The following PPM1E variants were observed in gnomAD, a reference collection of about 807,000 sequenced individuals.
PPM1E encodes protein phosphatase 1E.
PPM1E carries 20 observed loss-of-function variants against 65.9 expected under a neutral mutation model. That is an observed-to-expected ratio of 0.30 (90% CI 0.21 to 0.44). The LOEUF (loss-of-function observed/expected upper bound fraction) is 0.44, where lower values mean the gene tolerates loss of function less well. PPM1E is among the 20% of genes least tolerant of loss of function. PPM1E has a pLI of 1.00. For synonymous variants in PPM1E, 352 were observed against 374.9 expected (o/e 0.94, Z 0.70); for missense variants, 713 against 953.1 (o/e 0.75, Z 3.32).
chr17:58,804,219 T>A (rs1172374618), intron 1 of PPM1E, among the ~76,000 whole-genome samples: 2 of 152,232 alleles, frequency 1.3e-5, no homozygotes, highest in Non-Finnish European at 2.9e-5. Flanking sequence ...TGAGCCACCA[T>A]GCTTGGCCTC....
chr17:58,911,019 C>T (rs932834515), intron 1 of PPM1E, among the ~76,000 whole-genome samples: 4 of 152,070 alleles, frequency 2.6e-5, no homozygotes, highest in African/African-American at 9.7e-5. Context: ...GTGGGGAGCC[C>T]CTCTGACTGG....
At chr17:58,848,360 A>G (rs897918770) in intron 1 of PPM1E, among the ~76,000 whole-genome samples, 2 of 152,186 alleles carry the variant, frequency 1.3e-5, no homozygotes, top group African/African-American at 2.4e-5. Context: ...CCGGCTTTCA[A>G]AGGGAATTCC....
At chr17:58,925,733 T>A (rs2051816214) in intron 1 of PPM1E, among the ~76,000 whole-genome samples, 1 of 152,000 alleles carries the variant, frequency 6.6e-6, no homozygotes, top group East Asian at 1.9e-4. Flanking sequence ...GGGCTGTTTT[T>A]TTCTTGTAAA....
intron 1 of PPM1E, among the ~76,000 whole-genome samples, chr17:58,904,521 T>C (rs1480413569): frequency 6.6e-6 from 1 of 152,234 alleles, no homozygotes; most frequent in Admixed American, 6.5e-5. Flanking sequence ...ATTATCTGCT[T>C]ATCTAGAAGA....
intron 1 of PPM1E, among the ~76,000 whole-genome samples, chr17:58,779,498 T>A (rs1165601694): frequency 6.6e-6 from 1 of 152,150 alleles, no homozygotes; most frequent in African/African-American, 2.4e-5. Flanking sequence ...TCTGTTGTAT[T>A]TTATTCTTTA....
rs1294683194 is a variant in PPM1E, at chr17:58,980,460, A to T, written c.1697A>T (p.Asp566Val). 1 of 1,614,128 alleles carries T rather than the reference A, an allele frequency of 6.2e-7. No homozygotes were observed. The highest frequency in any genetic ancestry group is 1.7e-5 in the Admixed American group (1 of 60,006). The change falls in exon 7 of 7, where the codon GAC becomes GTC. Residue 566 changes from aspartate (D) to valine (V), a missense_variant. Asp to Val is a radical substitution (Grantham distance 152, BLOSUM62 -3). Transcript: ENST00000308249. The surrounding 1 kb of genome is among the most constrained non-coding windows in gnomAD (Gnocchi z 4.7). Reference sequence around the variant, plus strand: ...GGGTCCCAAATCAACGTGCTGGAAGACCCAGGCTACCTAGATCTCACACAA... The same window carrying T: ...GGGTCCCAAATCAACGTGCTGGAAGTCCCAGGCTACCTAGATCTCACACAA... Reference protein sequence around the residue: ...SPGSQINVLEDPGYLDLTQIE... With the variant: ...SPGSQINVLEVPGYLDLTQIE...
At chr17:58,891,883 T>TG (rs1180129865) in intron 1 of PPM1E, among the ~76,000 whole-genome samples, 20 of 138,598 alleles carry the variant, frequency 1.4e-4, no homozygotes, top group African/African-American at 5.5e-4. Context: ...TCACCCAGGC[T>TG]GGAGGGCAGT....
intron 1 of PPM1E, among the ~76,000 whole-genome samples, chr17:58,941,298 T>C (rs2052062607): frequency 6.6e-6 from 1 of 152,126 alleles, no homozygotes; most frequent in South Asian, 2.1e-4. Flanking sequence ...TGTTAAAGGG[T>C]AGTAGCTTTT....
intron 1 of PPM1E, among the ~76,000 whole-genome samples, chr17:58,762,762 G>A (rs868440305): frequency 2.6e-5 from 4 of 151,554 alleles, no homozygotes; most frequent in Admixed American, 6.6e-5. Flanking sequence ...GCCGGGCATA[G>A]TGGCGGGCGC....
rs1364200932 is a variant in PPM1E, at chr17:58,756,108, C to CGAACCG, written c.116_117insGGAACC (p.Pro43_Glu44dup). The CGAACCG allele has an allele frequency of 6.2e-7, 1 of 1,603,940 alleles. No homozygotes were observed. The highest frequency in any genetic ancestry group is 8.5e-7 in the Non-Finnish European group (1 of 1,174,246). On this transcript the variant is annotated inframe_insertion, in exon 1 of 7. Coordinates refer to ENST00000308249, the MANE Select transcript of PPM1E (RefSeq NM_014906.5). The stretch of plus-strand genomic sequence containing the variant: ...GCGAGCCGGAGCCGGAACCCGAACC[C>CGAACCG]GAACCCGAACCCGAACCCGAGTCCG...
chr17:58,826,851 G>A (rs528356363), intron 1 of PPM1E, among the ~76,000 whole-genome samples: 2 of 151,886 alleles, frequency 1.3e-5, no homozygotes, highest in South Asian at 2.1e-4. Context: ...GGATGGTCTC[G>A]ATCCCCTGAC....
intron 1 of PPM1E, among the ~76,000 whole-genome samples, chr17:58,880,107 G>A (rs2051177847): frequency 6.6e-6 from 1 of 152,160 alleles, no homozygotes; most frequent in Non-Finnish European, 1.5e-5. Context: ...TAAATTGTGT[G>A]GGGAGGCTTA....
rs548892292 is a variant in PPM1E at position 58,935,689 on chromosome 17, A to G, written c.465-19960A>G. Among the ~76,000 whole-genome samples, 11 of 152,306 alleles carry G rather than the reference A, an allele frequency of 7.2e-5. No individual in the cohort carries two copies. In the East Asian group the frequency reaches 2.1e-3, roughly 29 times the overall value. ...GTTTGATCTTTGGTAAATTTGTAACATCTAGATTGCTATTCACAGAAGACT... is the reference window on the plus strand; with the variant it reads ...GTTTGATCTTTGGTAAATTTGTAACGTCTAGATTGCTATTCACAGAAGACT... On this transcript the variant is annotated intron_variant, in intron 1 of 6. Coordinates refer to ENST00000308249, the MANE Select transcript of PPM1E (RefSeq NM_014906.5).
chr17:58,808,044 G>A (rs1219797016), intron 1 of PPM1E, among the ~76,000 whole-genome samples: 1 of 152,140 alleles, frequency 6.6e-6, no homozygotes, highest in Admixed American at 6.6e-5. Context: ...TACTAGCAGT[G>A]CGTATGTGTG....
At chr17:58,807,924 T>A (rs2050330716) in intron 1 of PPM1E, among the ~76,000 whole-genome samples, 1 of 152,206 alleles carries the variant, frequency 6.6e-6, no homozygotes, top group Non-Finnish European at 1.5e-5. Context: ...ACGTGAACCC[T>A]CATATACTGC....
intron 1 of PPM1E, among the ~76,000 whole-genome samples, chr17:58,787,037 T>C (rs530989866): frequency 6.6e-6 from 1 of 152,338 alleles, no homozygotes; most frequent in Admixed American, 6.5e-5. Context: ...AATTGGCCCA[T>C]TTAACATTAC....
chr17:58,826,588 A>G (rs1005178988), intron 1 of PPM1E, among the ~76,000 whole-genome samples: 1 of 152,160 alleles, frequency 6.6e-6, no homozygotes, highest in South Asian at 2.1e-4. Context: ...TAACATATCA[A>G]TGTAACTTAC....
intron 5 of PPM1E, among the ~76,000 whole-genome samples, chr17:58,972,508 G>A (rs1327654700): frequency 3.3e-5 from 5 of 152,102 alleles, no homozygotes; most frequent in Non-Finnish European, 4.4e-5. Flanking sequence ...GTGCCACCAC[G>A]CCCAGCTAAT....
chr17:58,886,886 C>G (rs1355810695), intron 1 of PPM1E, among the ~76,000 whole-genome samples: 1 of 152,128 alleles, frequency 6.6e-6, no homozygotes, highest in African/African-American at 2.4e-5. Context: ...GGTGGGGAGA[C>G]TGTGCATGTG....
Sources: gnomAD v4.1 joint callset for allele counts (sites outside exome capture counted in the v4.1 genomes callset) on GRCh38, gnomAD v4.1.1 for gene constraint, Gnocchi (gnomAD v3.1) non-coding constraint, MANE v1.5 for transcripts, NCBI Gene and HGNC (gene_info 2026-07-23, HGNC 2026-07-21) for gene names.